DOK7: variants seen among roughly 807,000 people sequenced by gnomAD.
The protein encoded by DOK7 is docking protein 7.
DOK7 carries 32 observed loss-of-function variants against 30.7 expected under a neutral mutation model. The ratio of observed to expected loss-of-function variants is 1.04; its 90% CI spans 0.79 to 1.40. The LOEUF (loss-of-function observed/expected upper bound fraction) is 1.40, where lower values mean the gene tolerates loss of function less well. DOK7 is among the 40% of genes most tolerant of loss of function. The probability of loss-of-function intolerance (pLI) is 0.00; values close to 1 mark genes in which losing one functional copy is unlikely to be tolerated. For synonymous variants in DOK7, 447 were observed against 324.1 expected (o/e 1.38, Z -4.07); for missense variants, 1,007 against 699.2 (o/e 1.44, Z -4.97).
chr4:3,466,706 C>G (rs1726308841), intron 2 of DOK7, among the ~76,000 whole-genome samples: 1 of 152,182 alleles, frequency 6.6e-6, no homozygotes, highest in Non-Finnish European at 1.5e-5. Flanking sequence ...CCTGGGACGG[C>G]TCATTCCCCG....
At chr4:3,481,090 TG>T (rs1553847327) in intron 4 of DOK7, among the ~76,000 whole-genome samples, 12 of 151,256 alleles carry the variant, frequency 7.9e-5, no homozygotes, top group East Asian at 2.0e-4. Context: ...GGAGCCCTGT[TG>T]GGGGGGATAG....
chr4:3,487,927 G>A (rs1727921485), intron 5 of DOK7, among the ~76,000 whole-genome samples: 2 of 152,232 alleles, frequency 1.3e-5, no homozygotes, highest in Admixed American at 6.5e-5. Context: ...AAGGAGCCAG[G>A]ACTGGTGCCT....
At chr4:3,491,176 CA>C (rs1728384958) in intron 6 of DOK7, among the ~76,000 whole-genome samples, 1 of 31,800 alleles carries the variant, frequency 3.1e-5, no homozygotes. Context: ...CCTGCTCATT[CA>C]TTCCTTCCCC....
chr4:3,490,416 A>G (rs1333721001), intron 6 of DOK7, among the ~76,000 whole-genome samples: 1 of 6,324 alleles, frequency 1.6e-4, no homozygotes, highest in African/African-American at 6.9e-4. Flanking sequence ...CACCCCCCCC[A>G]CCGCCCCGCT....
At chr4:3,477,494 G>A (rs747118583) in intron 4 of DOK7, among the ~76,000 whole-genome samples, 3 of 152,378 alleles carry the variant, frequency 2.0e-5, no homozygotes, top group Admixed American at 6.5e-5. Context: ...GGGCACGGGC[G>A]CAAGCCCATC....
intron 6 of DOK7, among the ~76,000 whole-genome samples, chr4:3,490,131 G>C (rs1342458871): frequency 5.2e-5 from 2 of 38,160 alleles, no homozygotes; most frequent in African/African-American, 2.5e-4. Flanking sequence ...TTTTCTCCCT[G>C]CTCATTCATT....
chr4:3,469,043 T>G (rs1726567570), intron 2 of DOK7, among the ~76,000 whole-genome samples: 2 of 143,030 alleles, frequency 1.4e-5, no homozygotes, highest in African/African-American at 5.5e-5. Flanking sequence ...TGTATGAGTG[T>G]GCATGTCTGT....
chr4:3,500,834 C>T (rs765699526), exon 8 of DOK7: 17 of 1,525,286 alleles, frequency 1.1e-5, no homozygotes, highest in South Asian at 4.8e-5. Context: ...GAGGTCACAG[C>T]GCCAGGAGCT....
In DOK7 at chr4:3,463,502, G is replaced by GCAGTGGGA; in HGVS notation, c.57_58insGACAGTGG. ...GCGGCTCACGCTCCCCCCTGTCCCC[G>GCAGTGGGA]CAGTGGAAGAGTAGGTGGCTGGTGC... On this transcript the variant is annotated splice_polypyrimidine_tract_variant and splice_region_variant and intron_variant, in intron 1 of 6. Coordinates refer to ENST00000340083, the MANE Select transcript of DOK7 (RefSeq NM_173660.5). 2 of 1,495,434 alleles carry GCAGTGGGA rather than the reference G, an allele frequency of 1.3e-6. No individual in the cohort carries two copies. 92.6% of individuals were successfully genotyped at this position (1,495,434 alleles called of 1,614,324 possible). A position where few individuals can be genotyped will look rare whatever the true frequency, so the allele number is the denominator to read the frequency against.
chr4:3,500,868 C>T lies in DOK7; in HGVS notation c.*43C>T, dbSNP rs71608283. 0.13 allele frequency: 191,444 copies of T among 1,488,710 alleles called. 13,079 individuals are homozygous for T. The highest frequency in any genetic ancestry group is 0.18 in the African/African-American group (13,005 of 71,802). The allele number at this position is 1,488,710 out of a possible 1,614,324, so 92.2% of individuals were successfully genotyped here. On this transcript the variant is annotated 3_prime_UTR_variant, in exon 8 of 8. Transcript: ENST00000643608. ...CTGACCGCAAACCCGGTGCGCTGTG[C>T]GGCCCCGTGGCCCCCGGCAGGCCAG...
At chr4:3,485,782 A>G in intron 5 of DOK7, 124 bp downstream of exon 5, 3 of 1,332,098 alleles carry the variant, frequency 2.3e-6, no homozygotes, top group Non-Finnish European at 1.9e-6. Flanking sequence ...CCCCCAGCTA[A>G]GGAACCAGAA....
At chr4:3,474,401 T>C (rs1474314904) in intron 3 of DOK7, among the ~76,000 whole-genome samples, 1 of 152,162 alleles carries the variant, frequency 6.6e-6, no homozygotes, top group Non-Finnish European at 1.5e-5. Flanking sequence ...TATTTTAGGC[T>C]GGGCACGGTG....
chr4:3,483,074 T>G (rs1015598886), intron 4 of DOK7, among the ~76,000 whole-genome samples: 6 of 116,050 alleles, frequency 5.2e-5, no homozygotes, highest in African/African-American at 9.9e-5. Flanking sequence ...GTGTGGAGGG[T>G]GGGGGTGGCA....
Position 3,492,798 on chromosome 4 carries a change from G to C in DOK7, c.812G>C (p.Ser271Thr), listed in dbSNP as rs144592743. ...RSLSSSSSEA[S>T]HLDVSASSRL... ...CTGTCCAGCTCATCCTCAGAGGCCA[G>C]TCACTTGGACGTCAGCGCCAGCAGC... Residue 271 changes from serine to threonine, a missense_variant, in exon 7 of 7, where the codon AGT (serine) becomes ACT (threonine). Physicochemically the swap from Ser to Thr is moderately conservative, Grantham distance 58. Coordinates refer to ENST00000340083, the MANE Select transcript of DOK7 (RefSeq NM_173660.5). 3.2e-4 allele frequency: 515 copies of C among 1,612,756 alleles called. 2 individuals are homozygous for C. The African/African-American group carries it at 6.1e-3, about 19-fold the overall frequency.
intron 6 of DOK7, among the ~76,000 whole-genome samples, chr4:3,500,021 G>A (rs1004754228): frequency 2.0e-5 from 3 of 150,622 alleles, no homozygotes; most frequent in African/African-American, 7.3e-5. Context: ...GCTTCCTTCT[G>A]CTCTGTGGGT....
At chr4:3,490,299 T>TCCCC (rs1728188643) in intron 6 of DOK7, among the ~76,000 whole-genome samples, 1 of 78,452 alleles carries the variant, frequency 1.3e-5, no homozygotes, top group Non-Finnish European at 2.8e-5. Flanking sequence ...CATTTCTTCC[T>TCCCC]CCGCCCCCCC....
chr4:3,498,168 G>C (rs931318712), downstream of DOK7, among the ~76,000 whole-genome samples: 1 of 152,274 alleles, frequency 6.6e-6, no homozygotes, highest in East Asian at 1.9e-4. Flanking sequence ...GCCGATTCCC[G>C]GTTGCTGCTT....
At chr4:3,483,212 C>T (rs57127580) in intron 4 of DOK7, among the ~76,000 whole-genome samples, 4 of 26,488 alleles carry the variant, frequency 1.5e-4, no homozygotes, top group South Asian at 3.5e-3. Flanking sequence ...AGGGTGGGGA[C>T]GGCAGCCTCC....
rs867352917 is a variant in DOK7 at position 3,467,460 on chromosome 4, C to A, written c.100+3909C>A. On this transcript the variant is annotated intron_variant, in intron 2 of 6. Coordinates refer to ENST00000340083, the MANE Select transcript of DOK7 (RefSeq NM_173660.5). ...CGTGTCCAGGGAAGACCCCCCCCCC[C>A]CACCCCAGACATCCCTCCCCAACCC... 3.4e-4 allele frequency among the ~76,000 whole-genome samples: 46 copies of A among 135,564 alleles called. 1 individual carries two copies. The South Asian group carries it at 3.7e-3, about 11-fold the overall frequency. 88.9% of individuals were successfully genotyped at this position (135,564 alleles called of 152,430 possible). A position where few individuals can be genotyped will look rare whatever the true frequency, so the allele number is the denominator to read the frequency against.
Sources: allele counts gnomAD v4.1 joint callset (sites outside exome capture counted in the v4.1 genomes callset), GRCh38; gene constraint gnomAD v4.1.1; transcripts MANE v1.5; gene names NCBI Gene and HGNC (gene_info 2026-07-23, HGNC 2026-07-21).